The following FAM178B variants were observed in gnomAD, a reference collection of about 807,000 sequenced individuals.
FAM178B encodes the protein family with sequence similarity 178 member B.
FAM178B carries 82 observed loss-of-function variants against 91.7 expected under a neutral mutation model. The observed-to-expected ratio is 0.89, with a 90% CI of 0.75 to 1.07. FAM178B has a LOEUF of 1.07. FAM178B is among the 50% of genes least tolerant of loss of function. The pLI, the probability that FAM178B is intolerant of heterozygous loss-of-function variation, is 0.00. For missense variants in FAM178B, 769 were observed against 846.7 expected (o/e 0.91, Z 1.14); for synonymous variants, 368 against 359.4 (o/e 1.02, Z -0.27).
chr2:96,894,089 G>T, intron 13 of FAM178B, 38 bp from the exon 14 acceptor site: 1 of 1,574,836 alleles, frequency 6.3e-7, no homozygotes, highest in Non-Finnish European at 8.6e-7. Flanking sequence ...CACAGAGGGT[G>T]GTGGCCAAGA....
Position 96,954,288 on chromosome 2 carries a change from C to A in FAM178B, c.888-2804G>T, listed in dbSNP as rs922384775. The stretch of plus-strand genomic sequence containing the variant: ...TAGAGATGAGGAGGGAGCTGCTAAT[C>A]CCCAGCCATGACAGCAATGACAGTG... On this transcript the variant is annotated intron_variant, in intron 6 of 16. Coordinates refer to ENST00000490605, the MANE Select transcript of FAM178B (RefSeq NM_001122646.3). Among the ~76,000 whole-genome samples, 4 of 152,248 alleles carry A rather than the reference C, an allele frequency of 2.6e-5. No homozygotes were observed. The East Asian group carries it at 7.7e-4, about 29-fold the overall frequency.
intron 10 of FAM178B, among the ~76,000 whole-genome samples, chr2:96,922,022 G>A (rs2081349755): frequency 6.6e-6 from 1 of 152,126 alleles, no homozygotes; most frequent in Non-Finnish European, 1.5e-5. Flanking sequence ...TTGCAGTAAA[G>A]AGGCTGGCCA....
At chr2:96,969,783 C>T (rs61009229) in intron 4 of FAM178B, among the ~76,000 whole-genome samples, 9,228 of 152,242 alleles carry the variant, frequency 0.061, 628 homozygotes, top group African/African-American at 0.17. Context: ...AGGGGCTGCA[C>T]AGCAGAGGCA....
At chr2:96,914,006 G>C (rs773688633) in intron 12 of FAM178B, among the ~76,000 whole-genome samples, 2 of 152,260 alleles carry the variant, frequency 1.3e-5, no homozygotes, top group Admixed American at 1.3e-4. Context: ...GAAGAGATCA[G>C]AAGAGAGCCA....
At chr2:96,951,858 TA>T (rs1474039733) in intron 6 of FAM178B, 1 of 173,088 alleles carries the variant, frequency 5.8e-6, no homozygotes, top group Non-Finnish European at 1.2e-5. Context: ...CTGTCTCTAC[TA>T]AAAATACAAA....
intron 7 of FAM178B, among the ~76,000 whole-genome samples, chr2:96,950,929 C>T (rs1045349671): frequency 1.3e-5 from 2 of 152,156 alleles, no homozygotes; most frequent in Non-Finnish European, 2.9e-5. Context: ...GGGCCCTGAA[C>T]GGCCCTCCCG....
At chr2:96,919,366 TCATCACAGGAACCCC>T (rs2081295337) in intron 12 of FAM178B, among the ~76,000 whole-genome samples, 1 of 152,112 alleles carries the variant, frequency 6.6e-6, no homozygotes, top group Admixed American at 6.5e-5. Context: ...AGAGACGTGA[TCATCACAGGAACCCC>T]CAGGCATCTA....
At chr2:96,913,699 G>C (rs992032915) in intron 12 of FAM178B, among the ~76,000 whole-genome samples, 3 of 152,340 alleles carry the variant, frequency 2.0e-5, no homozygotes, top group Admixed American at 1.3e-4. Flanking sequence ...GGCTGCTCCA[G>C]ACATAAGAAC....
chr2:96,951,082 C>G (rs2081918610), intron 7 of FAM178B, among the ~76,000 whole-genome samples: 1 of 152,184 alleles, frequency 6.6e-6, no homozygotes, highest in African/African-American at 2.4e-5. Context: ...TCAGGAAAGC[C>G]ACGTGAGGGC....
At chr2:96,976,877 T>A (rs997166025) in intron 1 of FAM178B, among the ~76,000 whole-genome samples, 1 of 149,688 alleles carries the variant, frequency 6.7e-6, no homozygotes, top group African/African-American at 2.5e-5. Context: ...ATAAAATAAA[T>A]AAACACATAA....
chr2:96,936,349 C>T (rs1252927096), intron 8 of FAM178B, among the ~76,000 whole-genome samples: 1 of 143,688 alleles, frequency 7.0e-6, no homozygotes, highest in Non-Finnish European at 1.6e-5. Context: ...CTACAGGCGC[C>T]CGCCACCACG....
intron 8 of FAM178B, among the ~76,000 whole-genome samples, chr2:96,938,446 C>T (rs1326096597): frequency 6.6e-6 from 1 of 152,156 alleles, no homozygotes; most frequent in African/African-American, 2.4e-5. Flanking sequence ...CATGCCTGCC[C>T]CCACAGGGCC....
intron 12 of FAM178B, among the ~76,000 whole-genome samples, chr2:96,912,197 G>A (rs2081170379): frequency 2.0e-5 from 3 of 152,254 alleles, no homozygotes; most frequent in South Asian, 4.1e-4. Flanking sequence ...AGGGTCCTTC[G>A]GAGACATCCT....
At chr2:96,934,290 A>G (rs1209416214) in intron 8 of FAM178B, among the ~76,000 whole-genome samples, 1 of 152,188 alleles carries the variant, frequency 6.6e-6, no homozygotes, top group African/African-American at 2.4e-5. Context: ...CCTGGCAGAG[A>G]CCTGAGGCCA....
chr2:96,938,674 C>G (rs2081672463), intron 8 of FAM178B, among the ~76,000 whole-genome samples: 1 of 152,210 alleles, frequency 6.6e-6, no homozygotes, highest in Admixed American at 6.5e-5. Flanking sequence ...TGCCAGGAAC[C>G]CAACAGATAA....
intron 13 of FAM178B, among the ~76,000 whole-genome samples, chr2:96,902,020 A>G (rs2080943009): frequency 6.6e-6 from 1 of 151,904 alleles, no homozygotes; most frequent in African/African-American, 2.4e-5. Flanking sequence ...GCTGGTCTCA[A>G]ACTCCTGATC....
At chr2:96,904,753 CT>C (rs2080999884) in intron 12 of FAM178B, among the ~76,000 whole-genome samples, 1 of 151,982 alleles carries the variant, frequency 6.6e-6, no homozygotes, top group Non-Finnish European at 1.5e-5. Flanking sequence ...TACTCCACGC[CT>C]GCAGTCCCTG....
At chr2:96,885,426 C>G (rs2080492969) in intron 14 of FAM178B, among the ~76,000 whole-genome samples, 2 of 152,324 alleles carry the variant, frequency 1.3e-5, no homozygotes, top group African/African-American at 4.8e-5. Flanking sequence ...CTATCTCTAG[C>G]TGGGGCCTGG....
At chr2:96,922,225 T>C (rs1173353998) in intron 10 of FAM178B, among the ~76,000 whole-genome samples, 2 of 152,230 alleles carry the variant, frequency 1.3e-5, no homozygotes, top group South Asian at 2.1e-4. Context: ...GTTCTGGGAA[T>C]TGCCCACCCC....
Sources: gnomAD v4.1 joint callset for allele counts (sites outside exome capture counted in the v4.1 genomes callset) on GRCh38, gnomAD v4.1.1 for gene constraint, MANE v1.5 for transcripts, NCBI Gene and HGNC (gene_info 2026-07-23, HGNC 2026-07-21) for gene names.